HOXD11: variants seen among roughly 807,000 people sequenced by gnomAD.
HOXD11 encodes the protein homeobox D11.
A neutral mutation model predicts 23.1 loss-of-function variants in HOXD11; 16 were observed. That is an observed-to-expected ratio of 0.69 (90% CI 0.47 to 1.05). The LOEUF (loss-of-function observed/expected upper bound fraction) is 1.05, where lower values mean the gene tolerates loss of function less well. Ranked by LOEUF, HOXD11 falls within the 50% of genes least tolerant of loss-of-function variation. The probability of loss-of-function intolerance (pLI) is 0.00; values close to 1 mark genes in which losing one functional copy is unlikely to be tolerated. For missense variants in HOXD11, 564 were observed against 495.6 expected, an observed-to-expected ratio of 1.14 and a Z score of -1.31; for synonymous variants, 262 against 224.4, an observed-to-expected ratio of 1.17 and a Z score of -1.50.
chr2:176,109,868 G>GC (rs1271198755), downstream of HOXD11: 1 of 156,248 alleles, frequency 6.4e-6, no homozygotes, highest in African/African-American at 2.4e-5. Flanking sequence ...TGCTGGCGCT[G>GC]CCTTCTCCAG....
At chr2:176,111,977 G>A (rs1689682188), downstream of HOXD11, among the ~76,000 whole-genome samples, 1 of 152,144 alleles carries the variant, frequency 6.6e-6, no homozygotes, top group Non-Finnish European at 1.5e-5. Flanking sequence ...GGGGGACTGG[G>A]AGAATCGTTC....
At chr2:176,108,659 C>CTGTGTGTGGGTG in intron 1 of HOXD11, 1 of 325,008 alleles carries the variant, frequency 3.1e-6, no homozygotes, top group Non-Finnish European at 5.5e-6. Flanking sequence ...GTGCCAGGCT[C>CTGTGTGTGGGTG]TGTGTGTGTG....
chr2:176,114,670 GT>G (rs1689723388), downstream of HOXD11, among the ~76,000 whole-genome samples: 1 of 152,122 alleles, frequency 6.6e-6, no homozygotes, highest in Non-Finnish European at 1.5e-5. Context: ...GGGACAAAGG[GT>G]TTTTTGGGAA....
At chr2:176,111,166 C>T (rs1039506711), downstream of HOXD11, among the ~76,000 whole-genome samples, 9 of 152,158 alleles carry the variant, frequency 5.9e-5, no homozygotes, top group Non-Finnish European at 8.8e-5. Context: ...GAAACAAAGC[C>T]TACAATCGAA....
Position 176,109,375 on chromosome 2 carries a change from C to G in HOXD11, c.*233C>G, listed in dbSNP as rs1286832325. On this transcript the variant is annotated 3_prime_UTR_variant, in exon 2 of 2. Coordinates refer to ENST00000249504, the MANE Select transcript of HOXD11 (RefSeq NM_021192.3). ...GGGAAAATGGTAAATGCAAACGTCC[C>G]GTTACAATTTTACCGCCAGTGTGCT... 3 of 507,512 alleles carry G rather than the reference C, an allele frequency of 5.9e-6. No homozygotes were observed. Among genetic ancestry groups the G allele is most frequent in the Non-Finnish European group, 1.1e-5 (3 of 284,844 alleles). 31.4% of individuals were successfully genotyped at this position (507,512 alleles called of 1,614,324 possible).
chr2:176,114,683 G>C (rs1469609142), downstream of HOXD11, among the ~76,000 whole-genome samples: 1 of 152,112 alleles, frequency 6.6e-6, no homozygotes, highest in Non-Finnish European at 1.5e-5. Context: ...TTTTGGGAAA[G>C]GTTTTTGTAA....
Position 176,107,517 on chromosome 2 carries a change from C to T in HOXD11, c.162C>T (p.His54=), listed in dbSNP as rs770957745. ...TFPYSSNLAP[H]VQPVREVAFR... Reference sequence around the variant, plus strand: ...CCTACTCTTCCAACCTGGCTCCGCACGTCCAGCCCGTGCGCGAAGTGGCCT... The same window carrying T: ...CCTACTCTTCCAACCTGGCTCCGCATGTCCAGCCCGTGCGCGAAGTGGCCT... The change falls in exon 1 of 2, where the codon CAC becomes CAT. Residue 54 remains histidine (H), a synonymous_variant. Coordinates refer to ENST00000249504, the MANE Select transcript of HOXD11 (RefSeq NM_021192.3). 4 of 1,613,564 alleles carry T rather than the reference C, an allele frequency of 2.5e-6. No homozygotes were observed. Among genetic ancestry groups the T allele is most frequent in the East Asian group, 2.2e-5 (1 of 44,784 alleles).
chr2:176,110,223 A>G (rs1689655179), downstream of HOXD11, among the ~76,000 whole-genome samples: 1 of 152,226 alleles, frequency 6.6e-6, no homozygotes, highest in Admixed American at 6.5e-5. Context: ...TATCGCTTCA[A>G]GTTAAAGAAT....
intron 1 of HOXD11, 48 bp downstream of exon 1, chr2:176,108,184 A>AGG (rs71004257): frequency 3.2e-4 from 46 of 141,754 alleles, no homozygotes; most frequent in African/African-American, 7.3e-4. Context: ...GCCGCGGGGG[A>AGG]GGGGGGGGGG....
In HOXD11 at chr2:176,107,800, G is replaced by A. The variant is rs1689604267; in HGVS notation, c.445G>A (p.Ala149Thr). 2.2e-6 allele frequency: 3 copies of A among 1,385,234 alleles called. No homozygotes were observed. Among genetic ancestry groups the A allele is most frequent in the African/African-American group, 1.5e-5 (1 of 65,214 alleles). 85.8% of individuals were successfully genotyped at this position (1,385,234 alleles called of 1,614,324 possible). ...VLFKAPEPVC[A>T]APGPPHGPAG... ...CTTCAAGGCGCCTGAGCCGGTGTGC[G>A]CTGCGCCGGGGCCGCCGCACGGCCC... is the stretch of plus-strand genomic sequence containing the variant. The change falls in exon 1 of 2, where the codon GCT becomes ACT. Residue 149 changes from alanine to threonine, a missense_variant. Transcript: ENST00000249504.
downstream of HOXD11, among the ~76,000 whole-genome samples, chr2:176,110,662 C>T (rs1274426403): frequency 6.6e-6 from 1 of 152,138 alleles, no homozygotes; most frequent in African/African-American, 2.4e-5. Flanking sequence ...AATAATTAGG[C>T]GCCTTAAGTT....
At chr2:176,113,330 A>C (rs1689702873), downstream of HOXD11, among the ~76,000 whole-genome samples, 1 of 152,210 alleles carries the variant, frequency 6.6e-6, no homozygotes, top group Non-Finnish European at 1.5e-5. Flanking sequence ...GATGCAAGCC[A>C]CTTTTTGATT....
downstream of HOXD11, among the ~76,000 whole-genome samples, chr2:176,113,822 TTAACTC>T (rs756734505): frequency 6.6e-6 from 1 of 152,180 alleles, no homozygotes; most frequent in Non-Finnish European, 1.5e-5. Context: ...AAAAACCTAT[TTAACTC>T]TAACCAATAA....
Position 176,109,213 on chromosome 2 carries a change from G to GTTTAA in HOXD11, c.*71_*72insTTTAA, listed in dbSNP as rs1689641280. 1.1e-5 allele frequency: 10 copies of GTTTAA among 918,404 alleles called. No individual in the cohort carries two copies. The East Asian group carries it at 2.4e-4, about 22-fold the overall frequency. The allele number at this position is 918,404 out of a possible 1,614,324, so 56.9% of individuals were successfully genotyped here. ...CTTCCCACCAGCCTGCTCTCCGCAG[G>GTTTAA]CCCACTGTCCTTGGGTTTAATGACG... On this transcript the variant is annotated 3_prime_UTR_variant, in exon 2 of 2. Coordinates refer to ENST00000249504, the MANE Select transcript of HOXD11 (RefSeq NM_021192.3).
chr2:176,113,326 A>G (rs1016326078), downstream of HOXD11, among the ~76,000 whole-genome samples: 1 of 152,202 alleles, frequency 6.6e-6, no homozygotes, highest in African/African-American at 2.4e-5. Flanking sequence ...TGCAGATGCA[A>G]GCCACTTTTT....
chr2:176,107,332 C>A lies in HOXD11; in HGVS notation c.-24C>A. The A allele has an allele frequency of 6.4e-7, 1 of 1,557,620 alleles. No individual in the cohort carries two copies. The highest frequency in any genetic ancestry group is 8.7e-7 in the Non-Finnish European group (1 of 1,153,654). Reference sequence around the variant, plus strand: ...GCTGCGCGGGGAGCGGCCAGAGGCTCGCTGGCGCGCACGCCGCGGAGTCAT... The same window carrying A: ...GCTGCGCGGGGAGCGGCCAGAGGCTAGCTGGCGCGCACGCCGCGGAGTCAT... On this transcript the variant is annotated 5_prime_UTR_variant, in exon 1 of 2. Transcript: ENST00000249504.
rs1026425802 is a variant in HOXD11 at position 176,109,444 on chromosome 2, G to A, written c.*302G>A. On this transcript the variant is annotated 3_prime_UTR_variant, in exon 2 of 2. Coordinates refer to ENST00000249504, the MANE Select transcript of HOXD11 (RefSeq NM_021192.3). ...CTCCGAGTCCTCGTGGGGACACGGC[G>A]GGGTCTGTAGGAAGTTGGGCCGGGT... The A allele has an allele frequency of 7.9e-5, 28 of 355,078 alleles. No individual in the cohort carries two copies. The highest frequency in any genetic ancestry group is 1.4e-4 in the Non-Finnish European group (28 of 194,060). The allele number at this position is 355,078 out of a possible 1,614,324, so 22.0% of individuals were successfully genotyped here.
Position 176,107,758 on chromosome 2 carries a change from C to T in HOXD11, c.403C>T (p.Arg135Cys). Residue 135 changes from arginine (R) to cysteine (C), a missense_variant, in exon 1 of 2, where the codon CGC (arginine) becomes TGC (cysteine). Coordinates refer to ENST00000249504, the MANE Select transcript of HOXD11 (RefSeq NM_021192.3). Reference sequence around the variant, plus strand: ...ACGCGAGCTTCTCCCGCCCGCGGGCCGCCGGCCGGACGTGCTCTTCAAGGC... The same window carrying T: ...ACGCGAGCTTCTCCCGCCCGCGGGCTGCCGGCCGGACGTGCTCTTCAAGGC... ...MQRELLPPAG[R>C]RPDVLFKAPE... The T allele has an allele frequency of 1.6e-6, 2 of 1,217,566 alleles. No individual in the cohort carries two copies. The highest frequency in any genetic ancestry group is 3.6e-5 in the South Asian group (1 of 28,118). The allele number at this position is 1,217,566 out of a possible 1,614,324, so 75.4% of individuals were successfully genotyped here. A position where few individuals can be genotyped will look rare whatever the true frequency, so the allele number is the denominator to read the frequency against.
chr2:176,112,096 G>A (rs1012630738), downstream of HOXD11, among the ~76,000 whole-genome samples: 1 of 152,178 alleles, frequency 6.6e-6, no homozygotes, highest in Non-Finnish European at 1.5e-5. Flanking sequence ...ATGCGGACAC[G>A]GGAGGCAGCA....
Sources: gnomAD v4.1 joint callset for allele counts (sites outside exome capture counted in the v4.1 genomes callset) on GRCh38, gnomAD v4.1.1 for gene constraint, MANE v1.5 for transcripts, NCBI Gene and HGNC (gene_info 2026-07-23, HGNC 2026-07-21) for gene names.